Variants in PATL1 observed in about 807,000 individuals in gnomAD.
PATL1 encodes PAT1 homolog 1, processing body mRNA decay factor, also known as protein PAT1 homolog 1.
PATL1 carries 32 observed loss-of-function variants against 100.6 expected under a neutral mutation model. The ratio of observed to expected loss-of-function variants is 0.32; its 90% CI spans 0.24 to 0.43. The LOEUF (loss-of-function observed/expected upper bound fraction) is 0.43, where lower values mean the gene tolerates loss of function less well. PATL1 is among the 20% of genes least tolerant of loss of function. The pLI, the probability that PATL1 is intolerant of heterozygous loss-of-function variation, is 1.00. For synonymous variants in PATL1, 332 were observed against 330.0 expected, an observed-to-expected ratio of 1.01 and a Z score of -0.07; for missense variants, 747 against 949.9, an observed-to-expected ratio of 0.79 and a Z score of 2.81.
chr11:59,661,836 C>T (rs1336160011), intron 2 of PATL1, among the ~76,000 whole-genome samples: 1 of 152,204 alleles, frequency 6.6e-6, no homozygotes, highest in East Asian at 1.9e-4. Flanking sequence ...GGCATAACTA[C>T]TGATAGTAAC....
At chr11:59,667,027 T>TA (rs1861700407) in intron 1 of PATL1, 63 bp from the exon 2 acceptor site, 1 of 1,506,938 alleles carries the variant, frequency 6.6e-7, no homozygotes, top group Non-Finnish European at 8.8e-7. Flanking sequence ...AAAAATGTTC[T>TA]AAAAATGTTC....
At position 59,652,523 on chromosome 11, in the gene PATL1, T is replaced by C. The variant is rs757187186; in HGVS notation, c.1367A>G (p.Lys456Arg). The C allele has an allele frequency of 6.2e-7, 1 of 1,614,006 alleles. No individual in the cohort carries two copies. Among genetic ancestry groups the C allele is most frequent in the Non-Finnish European group, 8.5e-7 (1 of 1,179,892 alleles). ...AGGGGTGATAAGCTTGGTGCGCTCC[T>C]TCTTAGGGCCATCACCTTGTATTTC... ...AEEIQGDGPK[K>R]ERTKLITPQV... The change falls in exon 11 of 19, where the codon AAG becomes AGG. Residue 456 changes from lysine (K) to arginine (R), a missense_variant. Coordinates refer to ENST00000300146, the MANE Select transcript of PATL1 (RefSeq NM_152716.3).
chr11:59,641,602 A>G (rs1861280473), intron 16 of PATL1, among the ~76,000 whole-genome samples: 1 of 151,598 alleles, frequency 6.6e-6, no homozygotes, highest in African/African-American at 2.4e-5. Context: ...AAAATACACA[A>G]ATTAGTTGTG....
intron 14 of PATL1, 106 bp downstream of exon 14, chr11:59,649,356 A>C: frequency 8.9e-7 from 1 of 1,128,190 alleles, no homozygotes; most frequent in Non-Finnish European, 1.2e-6. Context: ...TTCTGAGCTT[A>C]CAGAGATGGT....
At chr11:59,641,613 C>T (rs1480261131) in intron 16 of PATL1, among the ~76,000 whole-genome samples, 4 of 151,640 alleles carry the variant, frequency 2.6e-5, no homozygotes, top group South Asian at 2.1e-4. Context: ...ATTAGTTGTG[C>T]GTGGTGGCAT....
intron 2 of PATL1, among the ~76,000 whole-genome samples, chr11:59,663,844 A>G (rs973324573): frequency 3.3e-5 from 5 of 152,188 alleles, no homozygotes; most frequent in African/African-American, 9.7e-5. Flanking sequence ...AATCAAAACA[A>G]ATGTCAAAGG....
chr11:59,642,246 G>C (rs1861292659), intron 16 of PATL1, among the ~76,000 whole-genome samples: 1 of 152,124 alleles, frequency 6.6e-6, no homozygotes, highest in Admixed American at 6.5e-5. Context: ...CTTTAAACTT[G>C]ATGCAAATAA....
Position 59,668,975 on chromosome 11 carries a change from G to T in PATL1, c.-80C>A, listed in dbSNP as rs1176154224. 6.2e-6 allele frequency: 2 copies of T among 320,724 alleles called. No individual in the cohort carries two copies. Among genetic ancestry groups the T allele is most frequent in the Non-Finnish European group, 1.2e-5 (2 of 169,164 alleles). 19.9% of individuals were successfully genotyped at this position (320,724 alleles called of 1,614,324 possible). A position where few individuals can be genotyped will look rare whatever the true frequency, so the allele number is the denominator to read the frequency against. ...CGCTGACTCCCCGGCTCCTCCGCGC[G>T]CGGGTCCTCCACCGGCTCGCGACCC... On this transcript the variant is annotated 5_prime_UTR_variant, in exon 1 of 19. Transcript: ENST00000300146.
At chr11:59,655,768 T>C (rs1438694151) in intron 7 of PATL1, 28 bp from the exon 8 acceptor site, 3 of 1,545,206 alleles carry the variant, frequency 1.9e-6, no homozygotes, top group South Asian at 1.2e-5. Flanking sequence ...ATCTTAGATT[T>C]AGACAATCAG....
intron 5 of PATL1, 35 bp downstream of exon 5, chr11:59,657,495 A>G (rs778131764): frequency 1.8e-5 from 26 of 1,447,716 alleles, no homozygotes; most frequent in Non-Finnish European, 2.4e-5. Context: ...CAGATTCCCA[A>G]TATCCTGGGC....
At chr11:59,651,438 T>C in intron 12 of PATL1, 106 bp downstream of exon 12, 1 of 840,868 alleles carries the variant, frequency 1.2e-6, no homozygotes, top group Non-Finnish European at 1.9e-6. Context: ...AGGCCCCGGG[T>C]TAGACTACAA....
chr11:59,653,622 C>G (rs1164179531), intron 9 of PATL1, among the ~76,000 whole-genome samples: 1 of 152,124 alleles, frequency 6.6e-6, no homozygotes, highest in African/African-American at 2.4e-5. Flanking sequence ...CCCTGTTGTA[C>G]CCCTCTAGAC....
At chr11:59,640,457 T>C (rs752051864) in intron 16 of PATL1, among the ~76,000 whole-genome samples, 1 of 152,034 alleles carries the variant, frequency 6.6e-6, no homozygotes, top group Non-Finnish European at 1.5e-5. Context: ...TGGTGGCTCA[T>C]GCATGTAATC....
chr11:59,641,773 A>G (rs1861283949), intron 16 of PATL1, among the ~76,000 whole-genome samples: 3 of 152,184 alleles, frequency 2.0e-5, no homozygotes, highest in Admixed American at 2.0e-4. Context: ...ATCCCTTTTC[A>G]TGTTATTCTC....
intron 8 of PATL1, 40 bp from the exon 9 acceptor site, chr11:59,654,112 T>C: frequency 6.6e-7 from 1 of 1,513,818 alleles, no homozygotes. Context: ...TTGGTCATCC[T>C]GATGACTTGA....
In PATL1 at chr11:59,638,252, T is replaced by C. The variant is rs923667956; in HGVS notation, c.*138A>G. Reference sequence around the variant, plus strand: ...ATCTGACATTTAGAGAGACAACCCCTGTAAACAGGAATCGATCCCACAAGA... The same window carrying C: ...ATCTGACATTTAGAGAGACAACCCCCGTAAACAGGAATCGATCCCACAAGA... On this transcript the variant is annotated 3_prime_UTR_variant, in exon 19 of 19. Coordinates refer to ENST00000300146, the MANE Select transcript of PATL1 (RefSeq NM_152716.3). 1.3e-4 allele frequency: 107 copies of C among 844,224 alleles called. No homozygotes were observed. The highest frequency in any genetic ancestry group is 1.9e-4 in the Non-Finnish European group (97 of 518,068). The allele number at this position is 844,224 out of a possible 1,614,324, so 52.3% of individuals were successfully genotyped here.
intron 1 of PATL1, among the ~76,000 whole-genome samples, chr11:59,667,491 G>T (rs574646663): frequency 6.6e-6 from 1 of 152,008 alleles, no homozygotes; most frequent in Non-Finnish European, 1.5e-5. Context: ...AGAAAATTAG[G>T]TCTTCAACCA....
chr11:59,639,530 C>A (rs1222561243), intron 16 of PATL1, 147 bp from the exon 17 acceptor site: 2 of 635,842 alleles, frequency 3.1e-6, no homozygotes, highest in Non-Finnish European at 5.5e-6. Context: ...AGGTAAAGAT[C>A]AGACAAGCAT....
intron 11 of PATL1, 21 bp downstream of exon 11, chr11:59,652,443 T>C: frequency 3.8e-6 from 6 of 1,589,280 alleles, no homozygotes; most frequent in Non-Finnish European, 5.1e-6. Flanking sequence ...ATTATGGGCA[T>C]TTTTCTTATG....
Sources: allele counts gnomAD v4.1 joint callset (sites outside exome capture counted in the v4.1 genomes callset), GRCh38; gene constraint gnomAD v4.1.1; transcripts MANE v1.5; gene names NCBI Gene and HGNC (gene_info 2026-07-23, HGNC 2026-07-21).